Variants in OSBP2 observed in about 807,000 individuals in gnomAD.
OSBP2 encodes oxysterol binding protein 2.
In OSBP2, 66 loss-of-function variants were observed where a neutral mutation model predicts 96.0. The ratio of observed to expected loss-of-function variants is 0.69; its 90% confidence interval spans 0.56 to 0.84. The LOEUF (loss-of-function observed/expected upper bound fraction) is 0.84. OSBP2 is among the 40% of genes least tolerant of loss of function. The pLI, the probability that OSBP2 is intolerant of heterozygous loss-of-function variation, is 0.00. For synonymous variants in OSBP2, 525 were observed against 520.9 expected (o/e 1.01, Z -0.11); for missense variants, 1,038 against 1,222.7 (o/e 0.85, Z 2.25).
chr22:30,889,902 T>G (rs1160649277), intron 7 of OSBP2, among the ~76,000 whole-genome samples: 1 of 152,194 alleles, frequency 6.6e-6, no homozygotes, highest in Non-Finnish European at 1.5e-5. Context: ...AGAGCACCTC[T>G]GGATCTCACA....
At chr22:30,891,090 C>G in intron 8 of OSBP2, 117 bp downstream of exon 8, 2 of 1,262,852 alleles carry the variant, frequency 1.6e-6, no homozygotes, top group East Asian at 2.4e-5. Flanking sequence ...CTGCCCATAC[C>G]CAAGGGGCCA....
At position 30,873,630 on chromosome 22, in the gene OSBP2, G is replaced by A. The variant is rs116705121; in HGVS notation, c.1107+2948G>A. 4.1e-3 allele frequency among the ~76,000 whole-genome samples: 617 copies of A among 152,310 alleles called. 4 individuals carry two copies. Among genetic ancestry groups the A allele is most frequent in the African/African-American group, 0.014 (589 of 41,568 alleles). On this transcript the variant is annotated intron_variant, in intron 3 of 13. Transcript: ENST00000332585. ...GCCCCATCCTGACTGTGATGTGTGC[G>A]GGGATGCTCCTAGCATCCCCTAGCG...
intron 1 of OSBP2, among the ~76,000 whole-genome samples, chr22:30,736,292 G>T (rs2089854518): frequency 6.6e-6 from 1 of 152,144 alleles, no homozygotes; most frequent in South Asian, 2.1e-4. Flanking sequence ...TTTGAATTTT[G>T]GTTTTCAGGC....
intron 12 of OSBP2, among the ~76,000 whole-genome samples, chr22:30,895,093 T>C (rs1186828354): frequency 6.6e-6 from 1 of 152,030 alleles, no homozygotes; most frequent in African/African-American, 2.4e-5. Context: ...GGCTGCACAG[T>C]ACGAAGAGGA....
At chr22:30,705,567 A>G (rs2089239769) in intron 1 of OSBP2, among the ~76,000 whole-genome samples, 1 of 152,064 alleles carries the variant, frequency 6.6e-6, no homozygotes, top group African/African-American at 2.4e-5. Flanking sequence ...TGCTGGGATT[A>G]CAGGGGTGAG....
chr22:30,805,112 T>C (rs2090910220), intron 2 of OSBP2, among the ~76,000 whole-genome samples: 1 of 152,232 alleles, frequency 6.6e-6, no homozygotes, highest in African/African-American at 2.4e-5. Context: ...AGATACTATC[T>C]GAGGGTTGAC....
At position 30,723,488 on chromosome 22, in the gene OSBP2, G is replaced by A. The variant is rs1028613419; in HGVS notation, c.645-17673G>A. ...GAGTGCAGTGGCGTGATCTCGGCTC[G>A]CTGCAACCTCTGCCTCCCAAGTTCG... On this transcript the variant is annotated intron_variant, in intron 1 of 13. Transcript: ENST00000332585. Among the ~76,000 whole-genome samples the A allele has an allele frequency of 2.0e-5, 3 of 149,752 alleles. No homozygotes were observed. In the East Asian group the frequency reaches 6.0e-4, roughly 30 times the overall value.
chr22:30,745,040 A>G (rs1343789833), intron 2 of OSBP2, among the ~76,000 whole-genome samples: 1 of 152,328 alleles, frequency 6.6e-6, no homozygotes, highest in Middle Eastern at 3.4e-3. Context: ...AATGCATGGA[A>G]GTTAAACAAC....
intron 12 of OSBP2, chr22:30,902,787 C>T (rs1215985092): frequency 3.2e-5 from 13 of 412,272 alleles, no homozygotes; most frequent in Middle Eastern, 1.8e-3. Context: ...AATGAGCCTG[C>T]GGTTGGGAGG....
At chr22:30,850,183 A>G (rs5753346) in intron 2 of OSBP2, among the ~76,000 whole-genome samples, 151,129 of 152,046 alleles carry the variant, frequency 0.99, 75,111 homozygotes, top group East Asian at 1. Flanking sequence ...CTGTGTGCCT[A>G]TAGTCCCAGC....
At chr22:30,748,988 C>T (rs1052330495) in intron 2 of OSBP2, among the ~76,000 whole-genome samples, 21 of 152,144 alleles carry the variant, frequency 1.4e-4, no homozygotes, top group African/African-American at 4.3e-4. Flanking sequence ...TAGTAGCGCA[C>T]GCCTGTAATC....
At chr22:30,751,635 G>A (rs969266106) in intron 2 of OSBP2, among the ~76,000 whole-genome samples, 1 of 152,120 alleles carries the variant, frequency 6.6e-6, no homozygotes, top group African/African-American at 2.4e-5. Context: ...GATTACAGGC[G>A]TGAGCCACTG....
At chr22:30,801,618 A>C (rs1160589386) in intron 2 of OSBP2, among the ~76,000 whole-genome samples, 2 of 152,246 alleles carry the variant, frequency 1.3e-5, no homozygotes, top group Non-Finnish European at 2.9e-5. Flanking sequence ...CCAAATGGTA[A>C]AAATCAAGGT....
intron 1 of OSBP2, among the ~76,000 whole-genome samples, chr22:30,739,977 C>T (rs1203653593): frequency 6.6e-6 from 1 of 152,144 alleles, no homozygotes; most frequent in Non-Finnish European, 1.5e-5. Flanking sequence ...TCCCGAGTAG[C>T]TGGGATTACA....
At chr22:30,782,553 A>G (rs992646860) in intron 2 of OSBP2, among the ~76,000 whole-genome samples, 2 of 152,156 alleles carry the variant, frequency 1.3e-5, no homozygotes, top group Non-Finnish European at 2.9e-5. Flanking sequence ...TTTGTCACCC[A>G]GTGTAACTGT....
In OSBP2 at chr22:30,901,976, A is replaced by G. The variant is rs115010811; in HGVS notation, c.2376-3861A>G. 8.8e-3 allele frequency among the ~76,000 whole-genome samples: 1,338 copies of G among 152,290 alleles called. 18 individuals carry two copies. The highest frequency in any genetic ancestry group is 0.031 in the African/African-American group (1,288 of 41,562). On this transcript the variant is annotated intron_variant, in intron 12 of 13. Coordinates refer to ENST00000332585, the MANE Select transcript of OSBP2 (RefSeq NM_030758.4). The stretch of plus-strand genomic sequence containing the variant: ...CAGGACTTATGCATGAGACTATTCC[A>G]ATAACAAAAACTTGGAAACAACACA...
At chr22:30,734,963 G>T (rs1399188937) in intron 1 of OSBP2, among the ~76,000 whole-genome samples, 1 of 152,140 alleles carries the variant, frequency 6.6e-6, no homozygotes, top group African/African-American at 2.4e-5. Context: ...AGCCAAGGTG[G>T]GAGGATAACT....
intron 2 of OSBP2, among the ~76,000 whole-genome samples, chr22:30,827,719 G>T (rs909077278): frequency 2.0e-5 from 3 of 152,196 alleles, no homozygotes; most frequent in African/African-American, 7.2e-5. Flanking sequence ...GGAGCCAAAT[G>T]AGACCTAGGG....
At chr22:30,816,162 G>A (rs1258400455) in intron 2 of OSBP2, among the ~76,000 whole-genome samples, 1 of 151,866 alleles carries the variant, frequency 6.6e-6, no homozygotes, top group Admixed American at 6.6e-5. Flanking sequence ...TTTTATATAA[G>A]GATACGCCAA....
Sources: gnomAD v4.1 joint callset for allele counts (sites outside exome capture counted in the v4.1 genomes callset) on GRCh38, gnomAD v4.1.1 for gene constraint, MANE v1.5 for transcripts, NCBI Gene and HGNC (gene_info 2026-07-23, HGNC 2026-07-21) for gene names.